FGF9: variants seen among roughly 807,000 people sequenced by gnomAD.
FGF9 encodes fibroblast growth factor 9 (glia-activating factor).
Under a neutral mutation model 19.9 loss-of-function variants are expected in FGF9, and 3 were observed. The ratio of observed to expected loss-of-function variants is 0.15; its 90% CI spans 0.07 to 0.39. The LOEUF (loss-of-function observed/expected upper bound fraction) is 0.39, where lower values mean the gene tolerates loss of function less well. FGF9 is among the 10% of genes least tolerant of loss of function. FGF9 has a pLI of 1.00. For synonymous variants in FGF9, 107 were observed against 106.9 expected (o/e 1.00, Z -0.01); for missense variants, 175 against 256.8 (o/e 0.68, Z 2.18).
intron 1 of FGF9, among the ~76,000 whole-genome samples, chr13:21,679,812 A>C (rs1264003907): frequency 1.3e-5 from 2 of 150,924 alleles, no homozygotes; most frequent in Non-Finnish European, 3.0e-5. Context: ...AATTTAGCCC[A>C]GCGTGGTGGC....
At chr13:21,690,872 T>C (rs79220073) in intron 2 of FGF9, among the ~76,000 whole-genome samples, 1,529 of 152,308 alleles carry the variant, frequency 0.01, 27 homozygotes, top group African/African-American at 0.035. Flanking sequence ...TGAAGTGCGG[T>C]CAACTGTTGC....
At chr13:21,682,918 T>C (rs1471543657) in intron 2 of FGF9, among the ~76,000 whole-genome samples, 1 of 152,182 alleles carries the variant, frequency 6.6e-6, no homozygotes, top group Non-Finnish European at 1.5e-5. Flanking sequence ...ATAAATATAC[T>C]TAATTTGAGT....
At chr13:21,701,166 C>G (rs781152657) in intron 2 of FGF9, 24 bp from the exon 3 acceptor site, 3 of 1,607,204 alleles carry the variant, frequency 1.9e-6, no homozygotes, top group Non-Finnish European at 2.6e-6. Flanking sequence ...TTTCCTAATG[C>G]TCTCCCTCTT....
intron 2 of FGF9, among the ~76,000 whole-genome samples, chr13:21,681,934 A>T (rs1427733614): frequency 6.6e-6 from 1 of 152,220 alleles, no homozygotes; most frequent in African/African-American, 2.4e-5. Context: ...AATAATATAT[A>T]CTAACTTGGG....
At chr13:21,684,169 C>A (rs544492026) in intron 2 of FGF9, among the ~76,000 whole-genome samples, 3 of 152,118 alleles carry the variant, frequency 2.0e-5, no homozygotes, top group African/African-American at 7.2e-5. Context: ...TTCATTACAC[C>A]CCCAGTTCTA....
At position 21,701,472 on chromosome 13, in the gene FGF9, A is replaced by T. The variant is rs767958078; in HGVS notation, c.*37A>T. ...TCTTCACTTGAGCCCTTAAAAAAGT[A>T]ACCACTATAAAGGTTTCACGCGGTG... is the stretch of plus-strand genomic sequence containing the variant. On this transcript the variant is annotated 3_prime_UTR_variant, in exon 3 of 3. Coordinates refer to ENST00000382353, the MANE Select transcript of FGF9 (RefSeq NM_002010.3). 3 of 1,613,700 alleles carry T rather than the reference A, an allele frequency of 1.9e-6. No individual in the cohort carries two copies. The highest frequency in any genetic ancestry group is 2.5e-6 in the Non-Finnish European group (3 of 1,179,788).
intron 2 of FGF9, among the ~76,000 whole-genome samples, chr13:21,699,844 A>G (rs1872497841): frequency 1.3e-5 from 2 of 152,240 alleles, no homozygotes; most frequent in Admixed American, 1.3e-4. Context: ...ACTATTTCTA[A>G]CAAGTTATTT....
At chr13:21,699,408 T>C (rs996626626) in intron 2 of FGF9, among the ~76,000 whole-genome samples, 2 of 152,246 alleles carry the variant, frequency 1.3e-5, no homozygotes, top group African/African-American at 2.4e-5. Context: ...AGTGAGATAG[T>C]ATTTTGCTAA....
At chr13:21,698,223 A>G (rs1162362971) in intron 2 of FGF9, among the ~76,000 whole-genome samples, 1 of 152,222 alleles carries the variant, frequency 6.6e-6, no homozygotes, top group African/African-American at 2.4e-5. Context: ...TGGTGGCTTC[A>G]TTACATAATA....
chr13:21,672,084 A>C lies in FGF9; in HGVS notation c.172A>C (p.Lys58Gln). Residue 58 changes from lysine to glutamine, a missense_variant, in exon 1 of 3, where the codon AAG (lysine) becomes CAG (glutamine). Around this residue, in one of 3 missense-constraint regions of FGF9, gnomAD observed 69 missense variants for 73.6 expected, o/e 0.94. Transcript: ENST00000382353. This position sits in a 1 kb window ranked among gnomAD's most constrained non-coding sequence, Gnocchi z 4.2. The stretch of plus-strand genomic sequence containing the variant: ...CGCAGTCACGGACTTGGATCATTTA[A>C]AGGGGATTCTCAGGCGGAGGCAGCT... Reference protein sequence around the residue: ...GPAVTDLDHLKGILRRRQLYC... With the variant: ...GPAVTDLDHLQGILRRRQLYC... 6.2e-7 allele frequency: 1 copy of C among 1,614,222 alleles called. No homozygotes were observed. The highest frequency in any genetic ancestry group is 8.5e-7 in the Non-Finnish European group (1 of 1,180,036).
Position 21,701,673 on chromosome 13 carries a change from GGAGA to G in FGF9, c.*249_*252del, listed in dbSNP as rs376200901. 8 of 512,224 alleles carry G rather than the reference GGAGA, an allele frequency of 1.6e-5. No homozygotes were observed. Among genetic ancestry groups the G allele is most frequent in the East Asian group, 7.2e-5 (2 of 27,638 alleles). 31.7% of individuals were successfully genotyped at this position (512,224 alleles called of 1,614,324 possible). A position where few individuals can be genotyped will look rare whatever the true frequency, so the allele number is the denominator to read the frequency against. ...TTGCTTGATTTATCATGAGAGAAGA[GGAGA>G]GAGAGAGAGACTGAGCGCTAGGAGT... On this transcript the variant is annotated 3_prime_UTR_variant, in exon 3 of 3. Transcript: ENST00000382353.
At chr13:21,683,553 T>C (rs1872090879) in intron 2 of FGF9, among the ~76,000 whole-genome samples, 1 of 152,198 alleles carries the variant, frequency 6.6e-6, no homozygotes, top group Non-Finnish European at 1.5e-5. Context: ...ACCACTGCCA[T>C]ACAGCTGCAC....
intron 2 of FGF9, among the ~76,000 whole-genome samples, chr13:21,693,319 A>G (rs1238572239): frequency 6.6e-6 from 1 of 152,076 alleles, no homozygotes; most frequent in African/African-American, 2.4e-5. Flanking sequence ...GGAGGGTGCC[A>G]GGGACAGCCT....
At chr13:21,696,088 G>A (rs1460770889) in intron 2 of FGF9, among the ~76,000 whole-genome samples, 2 of 152,188 alleles carry the variant, frequency 1.3e-5, no homozygotes, top group Non-Finnish European at 2.9e-5. Context: ...TGAGCATAAT[G>A]TTGCCCATGT....
chr13:21,685,200 T>G (rs1872130870), intron 2 of FGF9, among the ~76,000 whole-genome samples: 1 of 152,246 alleles, frequency 6.6e-6, no homozygotes, highest in African/African-American at 2.4e-5. Flanking sequence ...TGGAGATTTT[T>G]TTTTTCTAAA....
chr13:21,701,095 GTGGT>G (rs1872530012), intron 2 of FGF9, 91 bp from the exon 3 acceptor site: 1 of 912,926 alleles, frequency 1.1e-6, no homozygotes, highest in Non-Finnish European at 1.8e-6. Context: ...GTGTGCCAAG[GTGGT>G]TTGCTGCACC....
chr13:21,684,091 C>T (rs1389967369), intron 2 of FGF9, among the ~76,000 whole-genome samples: 4 of 152,224 alleles, frequency 2.6e-5, no homozygotes, highest in Non-Finnish European at 4.4e-5. Flanking sequence ...TTTCTCTTGC[C>T]TTCTCCACCT....
intron 2 of FGF9, among the ~76,000 whole-genome samples, chr13:21,686,029 A>G (rs1043014621): frequency 6.6e-5 from 10 of 152,216 alleles, no homozygotes; most frequent in African/African-American, 2.4e-4. Context: ...TTAGAGTCTT[A>G]ATCTAAACTG....
intron 2 of FGF9, among the ~76,000 whole-genome samples, chr13:21,685,477 A>C (rs1872136701): frequency 6.6e-6 from 1 of 152,236 alleles, no homozygotes; most frequent in Admixed American, 6.5e-5. Context: ...AGAATGTGGA[A>C]ATAAGAAAAA....
Sources: gnomAD v4.1 joint callset for allele counts (sites outside exome capture counted in the v4.1 genomes callset) on GRCh38, gnomAD v4.1.1 for gene constraint, gnomAD v4.1.1 regional missense constraint, Gnocchi (gnomAD v3.1) non-coding constraint, MANE v1.5 for transcripts, NCBI Gene and HGNC (gene_info 2026-07-23, HGNC 2026-07-21) for gene names.